Variants in UBR1 observed in about 807,000 individuals in gnomAD.
UBR1 encodes E3 ubiquitin-protein ligase UBR1.
Under a neutral mutation model 242.1 loss-of-function variants are expected in UBR1, and 102 were observed. The observed-to-expected ratio is 0.42, with a 90% CI of 0.36 to 0.50. UBR1 has a LOEUF of 0.50. UBR1 is among the 20% of genes least tolerant of loss of function. The pLI is 0.01. For missense variants in UBR1, 1,772 were observed against 2,101.8 expected, an observed-to-expected ratio of 0.84 and a Z score of 3.07; for synonymous variants, 675 against 684.8, an observed-to-expected ratio of 0.99 and a Z score of 0.22.
At chr15:43,034,888 C>CAA (rs201319494) in intron 19 of UBR1, among the ~76,000 whole-genome samples, 3 of 91,696 alleles carry the variant, frequency 3.3e-5, no homozygotes, top group Non-Finnish European at 7.7e-5. Flanking sequence ...ACGCCATCTC[C>CAA]AAAAAAAAAA....
Position 42,988,267 on chromosome 15 carries a change from A to ATG in UBR1, c.3997+551_3997+552insCA, listed in dbSNP as rs774155766. ...CCTTTAATATAGATACTAAAGGAAT[A>ATG]TATGTGTGTGTGTGTGTGTGTGTGT... is the stretch of plus-strand genomic sequence containing the variant. On this transcript the variant is annotated intron_variant, in intron 35 of 46. Coordinates refer to ENST00000290650, the MANE Select transcript of UBR1 (RefSeq NM_174916.3). Among the ~76,000 whole-genome samples the ATG allele has an allele frequency of 8.0e-3, 913 of 113,688 alleles. 8 individuals carry two copies. The highest frequency in any genetic ancestry group is 0.022 in the African/African-American group (851 of 38,200). The allele number at this position is 113,688 out of a possible 152,430, so 74.6% of individuals were successfully genotyped here. A position where few individuals can be genotyped will look rare whatever the true frequency, so the allele number is the denominator to read the frequency against.
At chr15:42,954,570 A>T (rs1382639015) in intron 44 of UBR1, among the ~76,000 whole-genome samples, 2 of 152,026 alleles carry the variant, frequency 1.3e-5, no homozygotes, top group Non-Finnish European at 2.9e-5. Flanking sequence ...TAAGACCTCA[A>T]ATGATCTTTT....
At chr15:43,046,723 A>G (rs2033491399) in intron 14 of UBR1, among the ~76,000 whole-genome samples, 1 of 152,230 alleles carries the variant, frequency 6.6e-6, no homozygotes, top group Non-Finnish European at 1.5e-5. Context: ...GTGGGATTAC[A>G]TATTTAAAGA....
At chr15:43,007,318 T>G (rs1448343172) in intron 29 of UBR1, 34 bp from the exon 30 acceptor site, 1 of 1,605,294 alleles carries the variant, frequency 6.2e-7, no homozygotes, top group Non-Finnish European at 8.5e-7. Flanking sequence ...TGAGGACACA[T>G]GTTTTGGTCA....
At chr15:43,018,815 A>G (rs2033064637) in intron 27 of UBR1, among the ~76,000 whole-genome samples, 1 of 152,224 alleles carries the variant, frequency 6.6e-6, no homozygotes. Context: ...CAGCAGATAC[A>G]TGTGCTTTTC....
intron 1 of UBR1, among the ~76,000 whole-genome samples, chr15:43,097,641 C>A (rs772074409): frequency 6.6e-6 from 1 of 152,242 alleles, no homozygotes; most frequent in African/African-American, 2.4e-5. Flanking sequence ...CTTCACGCTG[C>A]ACTTTTATGT....
intron 41 of UBR1, 21 bp from the exon 42 acceptor site, chr15:42,964,064 A>G (rs1301577105): frequency 1.3e-6 from 2 of 1,504,696 alleles, no homozygotes; most frequent in South Asian, 1.1e-5. Flanking sequence ...ATAAAAATAC[A>G]TTTAATAAGC....
At chr15:43,048,633 G>A (rs930023141) in intron 12 of UBR1, 142 bp from the exon 13 acceptor site, 6 of 678,954 alleles carry the variant, frequency 8.8e-6, no homozygotes, top group Non-Finnish European at 1.5e-5. Flanking sequence ...AGTAGAGCTA[G>A]AATTATTTAT....
At chr15:43,077,978 A>G (rs574389502) in intron 3 of UBR1, among the ~76,000 whole-genome samples, 1 of 152,294 alleles carries the variant, frequency 6.6e-6, no homozygotes, top group African/African-American at 2.4e-5. Flanking sequence ...AAAAAAAATT[A>G]CCACAACGTT....
chr15:42,991,808 A>G (rs1216998558), intron 33 of UBR1, among the ~76,000 whole-genome samples: 1 of 151,906 alleles, frequency 6.6e-6, no homozygotes, highest in Non-Finnish European at 1.5e-5. Flanking sequence ...TGGCATGATT[A>G]TAGCTCACTG....
chr15:43,086,490 T>C (rs1463809871), intron 1 of UBR1, among the ~76,000 whole-genome samples: 1 of 151,800 alleles, frequency 6.6e-6, no homozygotes. Flanking sequence ...ATCCTTCCCT[T>C]CTGAAATGGC....
At chr15:42,956,654 C>T (rs1052764249) in intron 44 of UBR1, among the ~76,000 whole-genome samples, 1 of 152,180 alleles carries the variant, frequency 6.6e-6, no homozygotes, top group Non-Finnish European at 1.5e-5. Flanking sequence ...ACTCTGGAGC[C>T]TGGTGAAATG....
chr15:43,017,136 C>A lies in UBR1; in HGVS notation c.2986G>T (p.Val996Leu), dbSNP rs778559456. The A allele has an allele frequency of 1.9e-6, 3 of 1,613,758 alleles. No individual in the cohort carries two copies. Among genetic ancestry groups the A allele is most frequent in the Non-Finnish European group, 1.7e-6 (2 of 1,179,926 alleles). The change falls in exon 28 of 47, where the codon GTA becomes TTA. Residue 996 changes from valine (V) to leucine (L), a missense_variant. By Grantham distance (32) the Val-to-Leu change is conservative. Around this residue, in one of 3 missense-constraint regions of UBR1, gnomAD observed 965 missense variants for 1,079.7 expected, o/e 0.89. Transcript: ENST00000290650. ...GATTCCGATCCTGATGTGGTTGCTA[C>A]AATTAAACAAGATTTTTCTCTTAAT... ...KRLREKSCLIVATTSGSESIK... is the reference protein window; with the variant it reads ...KRLREKSCLILATTSGSESIK...
At chr15:43,037,204 C>T (rs911546595) in intron 17 of UBR1, among the ~76,000 whole-genome samples, 4 of 151,522 alleles carry the variant, frequency 2.6e-5, no homozygotes, top group African/African-American at 7.3e-5. Context: ...AAAAATTAGC[C>T]GGGCATAGTG....
rs1000752634 is a variant in UBR1 at position 43,024,939 on chromosome 15, T to G, written c.2629A>C (p.Lys877Gln). The change falls in exon 25 of 47, where the codon AAA (lysine) becomes CAA (glutamine). Residue 877 changes from lysine (K) to glutamine (Q), a missense_variant. Lys to Gln is a moderately conservative substitution (Grantham distance 53, BLOSUM62 1). This residue lies in a region of UBR1 where 965 missense variants were observed against 1,079.7 expected (regional missense o/e 0.89). Coordinates refer to ENST00000290650, the MANE Select transcript of UBR1 (RefSeq NM_174916.3). Reference protein sequence around the residue: ...PPPEFCPAFSKVINLLNCDIM... With the variant: ...PPPEFCPAFSQVINLLNCDIM... ...TCACAGTTGAGAAGGTTAATCACTT[T>G]GCTGAAAGCAGGGCAGAATTCAGGA... The G allele has an allele frequency of 6.2e-7, 1 of 1,614,094 alleles. No homozygotes were observed. Among genetic ancestry groups the G allele is most frequent in the Non-Finnish European group, 8.5e-7 (1 of 1,180,044 alleles).
At chr15:43,017,072 A>G (rs765452822) in intron 28 of UBR1, 23 bp downstream of exon 28, 6 of 1,573,324 alleles carry the variant, frequency 3.8e-6, no homozygotes, top group South Asian at 2.2e-5. Flanking sequence ...CACCATTACT[A>G]CAGTGTTATT....
chr15:43,007,502 C>CTT (rs2032851125), intron 29 of UBR1, among the ~76,000 whole-genome samples: 1 of 151,228 alleles, frequency 6.6e-6, no homozygotes. Flanking sequence ...GTGCAAAAAA[C>CTT]AGATGATAAA....
At chr15:43,035,191 T>G (rs555984995) in intron 19 of UBR1, among the ~76,000 whole-genome samples, 2 of 152,186 alleles carry the variant, frequency 1.3e-5, no homozygotes, top group Non-Finnish European at 2.9e-5. Flanking sequence ...AAACAGCACA[T>G]TCACAATGAT....
rs763689059 is a variant in UBR1, at chr15:43,024,920, T to C, written c.2648A>G (p.Asn883Ser). Residue 883 changes from asparagine (N) to serine (S), a missense_variant, in exon 25 of 47, where the codon AAC becomes AGC. Asn to Ser is a conservative substitution (Grantham distance 46). Coordinates refer to ENST00000290650, the MANE Select transcript of UBR1 (RefSeq NM_174916.3). ...GAGAATGTACATCATGATATCACAGTTGAGAAGGTTAATCACTTTGCTGAA... is the reference window on the plus strand; with the variant it reads ...GAGAATGTACATCATGATATCACAGCTGAGAAGGTTAATCACTTTGCTGAA... ...PAFSKVINLLNCDIMMYILRT... is the reference protein window; with the variant it reads ...PAFSKVINLLSCDIMMYILRT... The C allele has an allele frequency of 6.8e-6, 11 of 1,614,132 alleles. No individual in the cohort carries two copies. Among genetic ancestry groups the C allele is most frequent in the Non-Finnish European group, 8.5e-6 (10 of 1,180,016 alleles).
Sources: allele counts gnomAD v4.1 joint callset (sites outside exome capture counted in the v4.1 genomes callset), GRCh38; gene constraint gnomAD v4.1.1; regional missense constraint gnomAD v4.1.1; transcripts MANE v1.5; gene names NCBI Gene and HGNC (gene_info 2026-07-23, HGNC 2026-07-21).